Variants in RNPEPL1 observed in about 807,000 individuals in gnomAD.
The protein encoded by RNPEPL1 is arginyl aminopeptidase like 1, also known as aminopeptidase RNPEPL1.
RNPEPL1 carries 46 observed loss-of-function variants against 69.0 expected under a neutral mutation model. That is an observed-to-expected ratio of 0.67 (90% CI 0.53 to 0.85). RNPEPL1 has a LOEUF of 0.85. RNPEPL1 is among the 40% of genes least tolerant of loss of function. The probability of loss-of-function intolerance (pLI) is 0.00; values close to 1 mark genes in which losing one functional copy is unlikely to be tolerated. For missense variants in RNPEPL1, 869 were observed against 992.5 expected, an observed-to-expected ratio of 0.88 and a Z score of 1.67; for synonymous variants, 525 against 454.1, an observed-to-expected ratio of 1.16 and a Z score of -1.98.
intron 5 of RNPEPL1, 63 bp from the exon 6 acceptor site, chr2:240,574,452 T>A: frequency 6.5e-7 from 1 of 1,536,752 alleles, no homozygotes; most frequent in Non-Finnish European, 8.9e-7. Context: ...TGCCCACACC[T>A]CCTGCTTCCC....
intron 7 of RNPEPL1, 25 bp downstream of exon 7, chr2:240,575,167 GC>G (rs768868408): frequency 6.3e-7 from 1 of 1,578,880 alleles, no homozygotes; most frequent in Non-Finnish European, 8.7e-7. Flanking sequence ...GCCCGGGACG[GC>G]CCTGCTGCCA....
At chr2:240,569,646 ACT>A (rs1182632995) in intron 1 of RNPEPL1, among the ~76,000 whole-genome samples, 4 of 152,082 alleles carry the variant, frequency 2.6e-5, no homozygotes, top group Admixed American at 6.5e-5. Context: ...CACTCCAGAG[ACT>A]CTGCAAGAAA....
At chr2:240,570,541 G>T (rs2093018369) in intron 1 of RNPEPL1, among the ~76,000 whole-genome samples, 1 of 152,216 alleles carries the variant, frequency 6.6e-6, no homozygotes, top group African/African-American at 2.4e-5. Context: ...ATGTTCCAGG[G>T]ACTCAGGCCC....
chr2:240,577,551 CGAG>C, intron 10 of RNPEPL1, 45 bp from the exon 11 acceptor site: 1 of 1,504,430 alleles, frequency 6.6e-7, no homozygotes, highest in Non-Finnish European at 8.9e-7. Flanking sequence ...TGGGCTGGCT[CGAG>C]GGGCCTGGGG....
At chr2:240,571,739 C>T (rs534112408) in intron 1 of RNPEPL1, among the ~76,000 whole-genome samples, 1 of 151,736 alleles carries the variant, frequency 6.6e-6, no homozygotes, top group East Asian at 1.9e-4. Flanking sequence ...GTGAGCGCAC[C>T]CATTCCACAG....
chr2:240,575,908 CG>C, intron 8 of RNPEPL1: 1 of 438,822 alleles, frequency 2.3e-6, no homozygotes, highest in Non-Finnish European at 4.2e-6. Context: ...GGGCGGGTGA[CG>C]GGGGTGTCCT....
Position 240,573,072 on chromosome 2 carries a change from C to T in RNPEPL1, c.670-38C>T, listed in dbSNP as rs185551900. 2,986 of 1,553,012 alleles carry T rather than the reference C, an allele frequency of 1.9e-3. 12 individuals carry two copies. The highest frequency in any genetic ancestry group is 8.9e-3 in the South Asian group (735 of 82,812). ...CCGGCCGGGGCTATGGGTGTGCTGA[C>T]GGTGGGGCCACCCGGTCTCAGTCCG... is the stretch of plus-strand genomic sequence containing the variant. On this transcript the variant is annotated intron_variant, in intron 2 of 10. Coordinates refer to ENST00000270357, the MANE Select transcript of RNPEPL1 (RefSeq NM_018226.6).
rs759647422 is a variant in RNPEPL1 at position 240,577,714 on chromosome 2, G to A, written c.2000G>A (p.Arg667Lys). 3.7e-6 allele frequency: 6 copies of A among 1,612,664 alleles called. No individual in the cohort carries two copies. In the Admixed American group the frequency reaches 8.3e-5, roughly 22 times the overall value. Residue 667 changes from arginine (R) to lysine (K), a missense_variant, in exon 11 of 11, where the codon AGA becomes AAA. This residue lies in a region of RNPEPL1 where 610 missense variants were observed against 790.9 expected (regional missense o/e 0.77). Coordinates refer to ENST00000270357, the MANE Select transcript of RNPEPL1 (RefSeq NM_018226.6). ...GGCCGGCTGCACCCCAACCTGCGCAGAGCCATCCAGCAGATCCTGTCCCAG... is the reference window on the plus strand; with the variant it reads ...GGCCGGCTGCACCCCAACCTGCGCAAAGCCATCCAGCAGATCCTGTCCCAG... ...TQGRLHPNLR[R>K]AIQQILSQGL...
Position 240,572,542 on chromosome 2 carries a change from C to T in RNPEPL1, c.648C>T (p.Cys216=), listed in dbSNP as rs1300145480. The change falls in exon 2 of 11, where the codon TGC becomes TGT. Residue 216 remains cysteine, a synonymous_variant. Transcript: ENST00000270357. The part of the protein sequence containing the change: ...FPCFDTPAVK[C]TYSAVVKAPS... The stretch of plus-strand genomic sequence containing the variant: ...GCTTCGACACACCTGCCGTGAAGTG[C>T]ACCTACTCTGCCGTCGTCAAGGTCA... 4.1e-5 allele frequency: 63 copies of T among 1,536,120 alleles called. No homozygotes were observed. The highest frequency in any genetic ancestry group is 5.1e-5 in the Non-Finnish European group (59 of 1,146,866).
At chr2:240,572,149 T>C (rs4676423) in intron 1 of RNPEPL1, among the ~76,000 whole-genome samples, 127,305 of 152,326 alleles carry the variant, frequency 0.84, 53,306 homozygotes, top group East Asian at 0.99. Flanking sequence ...GAGATGCCCC[T>C]ATCGGCTACC....
At chr2:240,573,701 G>A in intron 3 of RNPEPL1, 74 bp from the exon 4 acceptor site, 3 of 1,261,746 alleles carry the variant, frequency 2.4e-6, no homozygotes, top group East Asian at 2.6e-5. Flanking sequence ...GAGCCCCAGG[G>A]CAGTGGGAGA....
intron 5 of RNPEPL1, 75 bp from the exon 6 acceptor site, chr2:240,574,439 AG>A (rs965863718): frequency 1.7e-5 from 26 of 1,535,566 alleles, no homozygotes; most frequent in African/African-American, 5.5e-5. Flanking sequence ...GCCATGCTGC[AG>A]GTGCCCACAC....
At chr2:240,574,852 C>T (rs2125449973) in intron 6 of RNPEPL1, 178 bp from the exon 7 acceptor site, 2 of 663,072 alleles carry the variant, frequency 3.0e-6, no homozygotes, top group Middle Eastern at 5.7e-4. Context: ...GTGTGTGAGT[C>T]CTCAGTCTTC....
At chr2:240,574,915 G>A in intron 6 of RNPEPL1, 115 bp from the exon 7 acceptor site, 1 of 825,810 alleles carries the variant, frequency 1.2e-6, no homozygotes, top group Non-Finnish European at 2.1e-6. Flanking sequence ...CTGGACATGT[G>A]AGGGACAGTG....
chr2:240,576,292 G>A lies in RNPEPL1; in HGVS notation c.1511-243G>A, dbSNP rs74497642. On this transcript the variant is annotated intron_variant, in intron 8 of 10. Transcript: ENST00000270357. ...CTTCCACCCAGGAGAGGCGTGGAGT[G>A]GGTGCGAGTCCCTTGGTCACCAACC... 5 of 578,388 alleles carry A rather than the reference G, an allele frequency of 8.6e-6. No individual in the cohort carries two copies. The South Asian group carries it at 8.9e-5, about 10-fold the overall frequency. The allele number at this position is 578,388 out of a possible 1,614,324, so 35.8% of individuals were successfully genotyped here. A position where few individuals can be genotyped will look rare whatever the true frequency, so the allele number is the denominator to read the frequency against.
intron 10 of RNPEPL1, 72 bp from the exon 11 acceptor site, chr2:240,577,527 C>T: frequency 6.8e-7 from 1 of 1,479,038 alleles, no homozygotes; most frequent in Non-Finnish European, 9.1e-7. Flanking sequence ...GGCCGCCTGG[C>T]CGGGCTGGCA....
chr2:240,575,468 C>G, intron 7 of RNPEPL1, 34 bp from the exon 8 acceptor site: 3 of 1,579,180 alleles, frequency 1.9e-6, no homozygotes, highest in Non-Finnish European at 2.6e-6. Context: ...CCCCACCCTT[C>G]CAGGCCTGCT....
chr2:240,570,343 T>C (rs984755325), intron 1 of RNPEPL1, among the ~76,000 whole-genome samples: 1 of 152,074 alleles, frequency 6.6e-6, no homozygotes, highest in Non-Finnish European at 1.5e-5. Flanking sequence ...GCAGGGAGAG[T>C]GGCATAGTCC....
rs182350113 is a variant in RNPEPL1, at chr2:240,572,129, C to T, written c.529-294C>T. On this transcript the variant is annotated intron_variant, in intron 1 of 10. Coordinates refer to ENST00000270357, the MANE Select transcript of RNPEPL1 (RefSeq NM_018226.6). ...GGGCTATTCCCTTTTTTCGCCTTGGCGTTAGCTGGGAGATGCCCCTATCGG... is the reference window on the plus strand; with the variant it reads ...GGGCTATTCCCTTTTTTCGCCTTGGTGTTAGCTGGGAGATGCCCCTATCGG... Among the ~76,000 whole-genome samples, 194 of 152,326 alleles carry T rather than the reference C, an allele frequency of 1.3e-3. 1 individual carries two copies. Among genetic ancestry groups the T allele is most frequent in the Admixed American group, 2.7e-3 (41 of 15,310 alleles).
Sources: gnomAD v4.1 joint callset for allele counts (sites outside exome capture counted in the v4.1 genomes callset) on GRCh38, gnomAD v4.1.1 for gene constraint, gnomAD v4.1.1 regional missense constraint, MANE v1.5 for transcripts, NCBI Gene and HGNC (gene_info 2026-07-23, HGNC 2026-07-21) for gene names.